FBXL17: variants seen among roughly 807,000 people sequenced by gnomAD.
FBXL17 encodes F-box and leucine rich repeat protein 17, also known as F-box/LRR-repeat protein 17.
In FBXL17, 22 loss-of-function variants were observed where a neutral mutation model predicts 66.2. The observed-to-expected ratio is 0.33, with a 90% CI of 0.24 to 0.47. The LOEUF (loss-of-function observed/expected upper bound fraction) is 0.47, where lower values mean the gene tolerates loss of function less well. FBXL17 is among the 20% of genes least tolerant of loss of function. The pLI is 1.00. For missense variants in FBXL17, 878 were observed against 948.2 expected (o/e 0.93, Z 0.97); for synonymous variants, 474 against 400.5 (o/e 1.18, Z -2.19).
At chr5:108,031,457 G>A (rs1746634720) in intron 6 of FBXL17, among the ~76,000 whole-genome samples, 1 of 151,986 alleles carries the variant, frequency 6.6e-6, no homozygotes, top group Non-Finnish European at 1.5e-5. Context: ...AAGAACCAAA[G>A]AAAGAGGGAA....
Position 108,381,445 on chromosome 5 carries a change from A to T in FBXL17, c.247T>A (p.Ser83Thr), listed in dbSNP as rs1485752030. The change falls in exon 1 of 9, where the codon TCG (serine) becomes ACG (threonine). Residue 83 changes from serine to threonine, a missense_variant. By Grantham distance (58) the Ser-to-Thr change is moderately conservative. Coordinates refer to ENST00000542267, the MANE Select transcript of FBXL17 (RefSeq NM_001163315.3). ...TAGGCCCCGTCCCGCGGCGGCGGCG[A>T]GAGCGGCGGCTCCTCCTCTGGGCCG... ...PAGPEEEPPL[S>T]PPPRDGAYAA... 1 of 1,315,210 alleles carries T rather than the reference A, an allele frequency of 7.6e-7. No individual in the cohort carries two copies. 81.5% of individuals were successfully genotyped at this position (1,315,210 alleles called of 1,614,324 possible). A position where few individuals can be genotyped will look rare whatever the true frequency, so the allele number is the denominator to read the frequency against.
chr5:108,068,658 G>A (rs286746), intron 6 of FBXL17, among the ~76,000 whole-genome samples: 8,022 of 151,802 alleles, frequency 0.053, 720 homozygotes, highest in African/African-American at 0.18. Flanking sequence ...GGGGTTTCAC[G>A]GTGTTAGCCA....
intron 4 of FBXL17, among the ~76,000 whole-genome samples, chr5:108,295,902 T>C (rs1351712512): frequency 4.2e-5 from 6 of 142,822 alleles, no homozygotes; most frequent in Non-Finnish European, 7.5e-5. Flanking sequence ...ACACAGTAGA[T>C]AGCCATTAAA....
chr5:108,186,038 G>C, intron 6 of FBXL17, 79 bp downstream of exon 6: 1 of 1,163,210 alleles, frequency 8.6e-7, no homozygotes, highest in South Asian at 1.5e-5. Flanking sequence ...TTTAGTTATA[G>C]ACATGCCTTG....
intron 6 of FBXL17, among the ~76,000 whole-genome samples, chr5:108,097,775 C>T (rs546026988): frequency 8.3e-4 from 104 of 125,200 alleles, no homozygotes; most frequent in African/African-American, 2.9e-3. Context: ...GAAGACAGAG[C>T]GAGACTCCAG....
chr5:107,881,732 A>G (rs1278832773), intron 7 of FBXL17, among the ~76,000 whole-genome samples: 1 of 152,172 alleles, frequency 6.6e-6, no homozygotes, highest in East Asian at 1.9e-4. Context: ...CATCATACAT[A>G]CTGCTGATTT....
intron 4 of FBXL17, among the ~76,000 whole-genome samples, chr5:108,325,744 T>C (rs1435455219): frequency 1.3e-5 from 2 of 152,096 alleles, no homozygotes; most frequent in Non-Finnish European, 2.9e-5. Flanking sequence ...GGAGATGCTA[T>C]TGCAGTTCAG....
chr5:107,978,074 C>G (rs929184775), intron 7 of FBXL17, among the ~76,000 whole-genome samples: 23 of 151,870 alleles, frequency 1.5e-4, no homozygotes, highest in African/African-American at 5.1e-4. Flanking sequence ...ATTCAGTCAG[C>G]CTGCAGTGGG....
intron 6 of FBXL17, among the ~76,000 whole-genome samples, chr5:108,130,405 T>A (rs1239943600): frequency 6.6e-6 from 1 of 151,994 alleles, no homozygotes; most frequent in Non-Finnish European, 1.5e-5. Context: ...TATAGTAATA[T>A]AATTTTAGGA....
At chr5:107,972,414 T>C (rs1752405798) in intron 7 of FBXL17, among the ~76,000 whole-genome samples, 1 of 152,196 alleles carries the variant, frequency 6.6e-6, no homozygotes, top group African/African-American at 2.4e-5. Context: ...TCCAGTCAAC[T>C]CTTAAGCCTC....
chr5:108,021,828 A>G (rs1754615662), intron 6 of FBXL17, among the ~76,000 whole-genome samples: 1 of 151,910 alleles, frequency 6.6e-6, no homozygotes, highest in African/African-American at 2.4e-5. Flanking sequence ...CCTTCAATGC[A>G]GTCCCTCTTT....
At chr5:108,003,818 A>C (rs968962464) in intron 7 of FBXL17, among the ~76,000 whole-genome samples, 1 of 152,116 alleles carries the variant, frequency 6.6e-6, no homozygotes, top group African/African-American at 2.4e-5. Context: ...AAAATAAAAG[A>C]GAGATTAATA....
At chr5:107,946,277 A>T (rs1301316248) in intron 7 of FBXL17, among the ~76,000 whole-genome samples, 1 of 57,520 alleles carries the variant, frequency 1.7e-5, no homozygotes, top group Non-Finnish European at 3.5e-5. Flanking sequence ...ATATATATAT[A>T]TATATATATA....
chr5:108,245,397 C>T (rs1196069140), intron 4 of FBXL17, among the ~76,000 whole-genome samples: 1 of 151,984 alleles, frequency 6.6e-6, no homozygotes, highest in Non-Finnish European at 1.5e-5. Flanking sequence ...AACAAACACC[C>T]TGATGTATGA....
At chr5:107,891,919 T>C (rs554561408) in intron 7 of FBXL17, among the ~76,000 whole-genome samples, 9 of 152,246 alleles carry the variant, frequency 5.9e-5, no homozygotes, top group African/African-American at 2.2e-4. Context: ...TATGTCCCAA[T>C]AAACCCATCG....
chr5:107,863,182 A>G (rs1429629402), intron 8 of FBXL17, among the ~76,000 whole-genome samples: 3 of 151,496 alleles, frequency 2.0e-5, no homozygotes, highest in African/African-American at 4.8e-5. Flanking sequence ...CGGAGTTGAA[A>G]TATGAACTGA....
chr5:108,141,607 A>G (rs17161080), intron 6 of FBXL17, among the ~76,000 whole-genome samples: 68,740 of 151,934 alleles, frequency 0.45, 16,755 homozygotes, highest in Admixed American at 0.57. Context: ...ATTTCTAAAA[A>G]CAGATCTGGG....
At chr5:108,266,632 C>T (rs1757057169) in intron 4 of FBXL17, among the ~76,000 whole-genome samples, 1 of 151,980 alleles carries the variant, frequency 6.6e-6, no homozygotes, top group Non-Finnish European at 1.5e-5. Flanking sequence ...AAAAAGGTAG[C>T]AGTTTTGGAC....
At chr5:108,108,487 T>C (rs542362793) in intron 6 of FBXL17, among the ~76,000 whole-genome samples, 17 of 152,286 alleles carry the variant, frequency 1.1e-4, no homozygotes, top group Non-Finnish European at 1.8e-4. Context: ...ATCTAGCACG[T>C]TTAAAGGTTT....
Sources: allele counts gnomAD v4.1 joint callset (sites outside exome capture counted in the v4.1 genomes callset), GRCh38; gene constraint gnomAD v4.1.1; transcripts MANE v1.5; gene names NCBI Gene and HGNC (gene_info 2026-07-23, HGNC 2026-07-21).